Variants in GALNT17 observed in about 807,000 individuals in gnomAD.
GALNT17 encodes UDP-GalNAc:polypeptide N-acetylgalactosaminyltransferase-like 3.
In GALNT17, 29 loss-of-function variants were observed where a neutral mutation model predicts 63.7. The ratio of observed to expected loss-of-function variants is 0.46; its 90% CI spans 0.34 to 0.62. The LOEUF (loss-of-function observed/expected upper bound fraction) is 0.62, where lower values mean the gene tolerates loss of function less well. Ranked by LOEUF, GALNT17 falls within the 20% of genes least tolerant of loss-of-function variation. The pLI is 0.01. For synonymous variants in GALNT17, 305 were observed against 318.3 expected (o/e 0.96, Z 0.45); for missense variants, 603 against 799.6 (o/e 0.75, Z 2.97).
chr7:71,524,520 A>C (rs1034369960), intron 5 of GALNT17, among the ~76,000 whole-genome samples: 2 of 152,096 alleles, frequency 1.3e-5, no homozygotes, highest in Non-Finnish European at 2.9e-5. Context: ...ACATGGCTTC[A>C]GTCTTGAACT....
intron 5 of GALNT17, among the ~76,000 whole-genome samples, chr7:71,453,065 A>G (rs1324377654): frequency 2.0e-5 from 3 of 152,182 alleles, no homozygotes; most frequent in African/African-American, 7.2e-5. Context: ...CAGGAGGGTA[A>G]GAGACATGCC....
intron 1 of GALNT17, among the ~76,000 whole-genome samples, chr7:71,276,863 T>C (rs1055461521): frequency 6.6e-6 from 1 of 152,124 alleles, no homozygotes; most frequent in Non-Finnish European, 1.5e-5. Flanking sequence ...GCAGGCATCG[T>C]GGTGGGCACC....
chr7:71,516,007 G>A (rs1050866849), intron 5 of GALNT17, among the ~76,000 whole-genome samples: 2 of 152,176 alleles, frequency 1.3e-5, no homozygotes, highest in African/African-American at 4.8e-5. Flanking sequence ...GGAGGGGATA[G>A]AGGAGCAGCC....
intron 5 of GALNT17, among the ~76,000 whole-genome samples, chr7:71,529,833 C>T (rs1429741438): frequency 6.6e-6 from 1 of 152,194 alleles, no homozygotes; most frequent in Non-Finnish European, 1.5e-5. Context: ...ATGTTTACTT[C>T]AGCATTTGCT....
At chr7:71,519,411 C>A (rs765362343) in intron 5 of GALNT17, among the ~76,000 whole-genome samples, 1 of 152,176 alleles carries the variant, frequency 6.6e-6, no homozygotes, top group Non-Finnish European at 1.5e-5. Context: ...TTACTAAATT[C>A]TGTACGTCTG....
chr7:71,584,367 A>C lies in GALNT17; in HGVS notation c.1080+12965A>C, dbSNP rs1027610501. Among the ~76,000 whole-genome samples the C allele has an allele frequency of 2.0e-4, 31 of 152,338 alleles. No homozygotes were observed. In the East Asian group the frequency reaches 5.8e-3, roughly 28 times the overall value. On this transcript the variant is annotated intron_variant, in intron 6 of 10. Transcript: ENST00000333538. ...GATGGAAAACTTGAAACATACACGA[A>C]GATAGCACAGCATAATGAATCCAAA...
rs185257526 is a variant in GALNT17, at chr7:71,392,330, T to G, written c.589+3929T>G. 2.7e-3 allele frequency among the ~76,000 whole-genome samples: 408 copies of G among 152,224 alleles called. 6 individuals carry two copies. The highest frequency in any genetic ancestry group is 0.022 in the Admixed American group (335 of 15,296). ...GTAGTGTGGGTGATGGAGCTTAATT[T>G]CACTGGGGAAATTCCAAGAGCCAGT... On this transcript the variant is annotated intron_variant, in intron 3 of 10. Coordinates refer to ENST00000333538, the MANE Select transcript of GALNT17 (RefSeq NM_022479.3).
rs141321748 is a variant in GALNT17, at chr7:71,245,824, G to A, written c.239-89726G>A. On this transcript the variant is annotated intron_variant, in intron 1 of 10. Transcript: ENST00000333538. ...GGGAAGACTGGTGTGAATTGGGAAAGGTCTGCAGAGAGCAAGAGAGCAGGT... is the reference window on the plus strand; with the variant it reads ...GGGAAGACTGGTGTGAATTGGGAAAAGTCTGCAGAGAGCAAGAGAGCAGGT... Among the ~76,000 whole-genome samples the A allele has an allele frequency of 3.6e-3, 533 of 149,734 alleles. 2 individuals are homozygous for A. The highest frequency in any genetic ancestry group is 0.012 in the African/African-American group (504 of 40,554).
chr7:71,214,524 A>G (rs1261465396), intron 1 of GALNT17, among the ~76,000 whole-genome samples: 1 of 151,438 alleles, frequency 6.6e-6, no homozygotes, highest in Non-Finnish European at 1.5e-5. Context: ...TTTTAAAACA[A>G]TGTGGAAAAA....
chr7:71,615,561 C>G (rs1790189827), intron 6 of GALNT17, among the ~76,000 whole-genome samples: 1 of 140,870 alleles, frequency 7.1e-6, no homozygotes, highest in Non-Finnish European at 1.5e-5. Context: ...ACTGCAACCT[C>G]TGCCTCCTGG....
chr7:71,314,555 A>G (rs934754810), intron 1 of GALNT17, among the ~76,000 whole-genome samples: 1 of 152,072 alleles, frequency 6.6e-6, no homozygotes, highest in Non-Finnish European at 1.5e-5. Flanking sequence ...AAGGACAAAG[A>G]GCCCTTCCGA....
chr7:71,281,340 A>G (rs949646941), intron 1 of GALNT17, among the ~76,000 whole-genome samples: 9 of 152,184 alleles, frequency 5.9e-5, no homozygotes, highest in Admixed American at 5.9e-4. Context: ...GACTGTTTCT[A>G]TAATTTTTTT....
intron 2 of GALNT17, among the ~76,000 whole-genome samples, chr7:71,367,838 G>A (rs771788439): frequency 6.6e-6 from 1 of 152,206 alleles, no homozygotes. Flanking sequence ...TTGTTAATTA[G>A]GTAAGTTATG....
chr7:71,618,294 T>G (rs981442019), intron 6 of GALNT17, among the ~76,000 whole-genome samples: 2 of 152,224 alleles, frequency 1.3e-5, no homozygotes, highest in Non-Finnish European at 2.9e-5. Context: ...GGTGTCTTTT[T>G]GGTAGAATGA....
chr7:71,132,815 A>T lies in GALNT17; in HGVS notation c.13A>T (p.Arg5Ter). 6.2e-7 allele frequency: 1 copy of T among 1,606,608 alleles called. No individual in the cohort carries two copies. The highest frequency in any genetic ancestry group is 8.5e-7 in the Non-Finnish European group (1 of 1,176,194). The part of the protein sequence containing the change: MASL[R>*]RVKVLLVLNL... The stretch of plus-strand genomic sequence containing the variant: ...GCCGGGCTGTTTGATGGCTTCACTG[A>T]GAAGAGTCAAAGTGCTGTTGGTGTT... Residue 5 changes from arginine to a stop codon, truncating the protein, a stop_gained, in exon 1 of 11, where the codon AGA becomes TGA. Coordinates refer to ENST00000333538, the MANE Select transcript of GALNT17 (RefSeq NM_022479.3). LOFTEE classifies it high-confidence loss of function.
At chr7:71,296,863 T>C (rs1405436064) in intron 1 of GALNT17, among the ~76,000 whole-genome samples, 1 of 152,154 alleles carries the variant, frequency 6.6e-6, no homozygotes, top group Non-Finnish European at 1.5e-5. Context: ...ATATATATAA[T>C]TTTTTCGCTG....
At chr7:71,564,269 T>G (rs1443452630) in intron 5 of GALNT17, among the ~76,000 whole-genome samples, 2 of 120,892 alleles carry the variant, frequency 1.7e-5, no homozygotes, top group African/African-American at 6.2e-5. Flanking sequence ...TTTTTTTTTC[T>G]TTTCTTTTCT....
chr7:71,443,539 C>T (rs1006163965), intron 5 of GALNT17, among the ~76,000 whole-genome samples: 1 of 152,022 alleles, frequency 6.6e-6, no homozygotes, highest in African/African-American at 2.4e-5. Context: ...TGGCACTTTC[C>T]TTCTCTCTCT....
chr7:71,288,013 C>T (rs1790905952), intron 1 of GALNT17, among the ~76,000 whole-genome samples: 1 of 146,314 alleles, frequency 6.8e-6, no homozygotes, highest in Admixed American at 6.9e-5. Context: ...GATCACACCA[C>T]TTCACTCCAG....
Sources: allele counts gnomAD v4.1 joint callset (sites outside exome capture counted in the v4.1 genomes callset), GRCh38; gene constraint gnomAD v4.1.1; transcripts MANE v1.5; gene names NCBI Gene and HGNC (gene_info 2026-07-23, HGNC 2026-07-21).